Variants in HMCN2 observed in about 807,000 individuals in gnomAD.
HMCN2 encodes hemicentin-2.
Under a neutral mutation model 377.5 loss-of-function variants are expected in HMCN2, and 325 were observed. The observed-to-expected ratio is 0.86, with a 90% CI of 0.79 to 0.94. The LOEUF is 0.94. Ranked by LOEUF, HMCN2 falls within the 40% of genes least tolerant of loss-of-function variation. The pLI is 0.00. For missense variants in HMCN2, 4,543 were observed against 4,725.3 expected (o/e 0.96, Z 1.13); for synonymous variants, 2,007 against 2,046.8 (o/e 0.98, Z 0.53).
At chr9:130,314,212 C>T (rs1157196373) in intron 15 of HMCN2, among the ~76,000 whole-genome samples, 6 of 152,150 alleles carry the variant, frequency 3.9e-5, no homozygotes, top group African/African-American at 9.7e-5. Flanking sequence ...AAAGACTCTC[C>T]GGCCATCCTT....
chr9:130,421,564 C>T (rs1339733187), intron 86 of HMCN2, among the ~76,000 whole-genome samples: 2 of 152,144 alleles, frequency 1.3e-5, no homozygotes, highest in African/African-American at 2.4e-5. Flanking sequence ...CATTTCCTGT[C>T]CCCTTCCAAA....
rs564881699 is a variant in HMCN2, at chr9:130,394,558, C to T, written c.10675C>T (p.Arg3559Trp). 176 of 1,287,972 alleles carry T rather than the reference C, an allele frequency of 1.4e-4. 1 individual carries two copies. The African/African-American group carries it at 2.4e-3, about 18-fold the overall frequency. 79.8% of individuals were successfully genotyped at this position (1,287,972 alleles called of 1,614,324 possible). Residue 3559 changes from arginine (R) to tryptophan (W), a missense_variant, in exon 69 of 98, where the codon CGG becomes TGG. Transcript: ENST00000683500. The surrounding 1 kb of genome is among the most constrained non-coding windows in gnomAD (Gnocchi z 5.1). ...CAACAGCAGAGCCACACGGGTGCTC[C>T]GGGTGGAGAATGTGCAGGTACCAGT... is the stretch of plus-strand genomic sequence containing the variant. Reference protein sequence around the residue: ...ENNSRATRVLRVENVQVRDAG... With the variant: ...ENNSRATRVLWVENVQVRDAG...
At position 130,284,616 on chromosome 9, in the gene HMCN2, G is replaced by C. The variant is rs1227530002; in HGVS notation, c.273G>C (p.Val91=). The change falls in exon 2 of 98, where the codon GTG becomes GTC. Residue 91 remains valine (V), a synonymous_variant. Coordinates refer to ENST00000683500, the MANE Select transcript of HMCN2 (RefSeq NM_001291815.2). The part of the protein sequence containing the change: ...VPFHDPDIGP[V]TLTADPTVFQ... ...TCTTCTCCACAGATATTGGCCCAGT[G>C]ACCCTCACGGCGGACCCCACAGTGT... The C allele has an allele frequency of 1.5e-5, 7 of 471,112 alleles. No individual in the cohort carries two copies. Among genetic ancestry groups the C allele is most frequent in the Admixed American group, 1.4e-4 (6 of 42,572 alleles). The allele number at this position is 471,112 out of a possible 1,614,324, so 29.2% of individuals were successfully genotyped here.
chr9:130,385,733 G>A lies in HMCN2; in HGVS notation c.9280G>A (p.Gly3094Arg), dbSNP rs1373272339. ...ACAGCGGACCCAGGCTCTGCGGGGT[G>A]GGCAGAGGCTGGAGATCCAGGAAGC... ...LAQRTQALRG[G>R]QRLEIQEAQV... The change falls in exon 60 of 98, where the codon GGG becomes AGG. Residue 3094 changes from glycine to arginine, a missense_variant. Physicochemically the swap from Gly to Arg is moderately radical, Grantham distance 125. Around this residue, in one of 5 missense-constraint regions of HMCN2, gnomAD observed 736 missense variants for 773.2 expected, o/e 0.95. Transcript: ENST00000683500. The A allele has an allele frequency of 1.9e-5, 25 of 1,303,982 alleles. No individual in the cohort carries two copies. In the Admixed American group the frequency reaches 3.9e-4, roughly 20 times the overall value. The allele number at this position is 1,303,982 out of a possible 1,614,324, so 80.8% of individuals were successfully genotyped here.
In HMCN2 at chr9:130,393,197, T is replaced by C; in HGVS notation, c.10137-15T>C. 1.0e-6 allele frequency: 1 copy of C among 987,794 alleles called. No homozygotes were observed. Among genetic ancestry groups the C allele is most frequent in the Non-Finnish European group, 1.2e-6 (1 of 830,042 alleles). The allele number at this position is 987,794 out of a possible 1,614,324, so 61.2% of individuals were successfully genotyped here. On this transcript the variant is annotated splice_polypyrimidine_tract_variant and intron_variant, in intron 66 of 97. Coordinates refer to ENST00000683500, the MANE Select transcript of HMCN2 (RefSeq NM_001291815.2). This position sits in a 1 kb window ranked among gnomAD's most constrained non-coding sequence, Gnocchi z 5.2. ...TTCTCTTGTCTCCTTCTCCCTCTCC[T>C]CTCGGGGGATTCAGGATTTCCAAGG...
chr9:130,384,401 G>A lies in HMCN2; in HGVS notation c.8859G>A (p.Leu2953=), dbSNP rs1841902857. The change falls in exon 58 of 98, where the codon TTG becomes TTA. Residue 2953 remains leucine, a synonymous_variant. Coordinates refer to ENST00000683500, the MANE Select transcript of HMCN2 (RefSeq NM_001291815.2). ...CGCCACGAATCGCAGGCCTGGACTTGGAGCAGGTCACTGCCATCCTCAACA... is the reference window on the plus strand; with the variant it reads ...CGCCACGAATCGCAGGCCTGGACTTAGAGCAGGTCACTGCCATCCTCAACA... The part of the protein sequence containing the change: ...QVPPRIAGLD[L]EQVTAILNSS... 7.7e-7 allele frequency: 1 copy of A among 1,302,592 alleles called. No individual in the cohort carries two copies. The highest frequency in any genetic ancestry group is 1.5e-5 in the African/African-American group (1 of 65,818). The allele number at this position is 1,302,592 out of a possible 1,614,324, so 80.7% of individuals were successfully genotyped here.
At position 130,393,848 on chromosome 9, in the gene HMCN2, G is replaced by A. The variant is rs1013486527; in HGVS notation, c.10341G>A (p.Val3447=). The A allele has an allele frequency of 7.8e-7, 1 of 1,289,652 alleles. No homozygotes were observed. Among genetic ancestry groups the A allele is most frequent in the African/African-American group, 1.5e-5 (1 of 65,970 alleles). The allele number at this position is 1,289,652 out of a possible 1,614,324, so 79.9% of individuals were successfully genotyped here. ...CEARGVPLPL[V]SWMKDGEPLL... is the part of the protein sequence containing the mutation. ...CCCGGGGCGTTCCCCTGCCTCTCGTGTCGTGGATGAAGGATGGGGAACCCT... is the reference window on the plus strand; with the variant it reads ...CCCGGGGCGTTCCCCTGCCTCTCGTATCGTGGATGAAGGATGGGGAACCCT... The change falls in exon 68 of 98, where the codon GTG becomes GTA. Residue 3447 remains valine (V), a synonymous_variant. Coordinates refer to ENST00000683500, the MANE Select transcript of HMCN2 (RefSeq NM_001291815.2). The surrounding 1 kb of genome is among the most constrained non-coding windows in gnomAD (Gnocchi z 5.2).
chr9:130,299,903 T>G (rs1564761880), intron 8 of HMCN2, among the ~76,000 whole-genome samples: 3 of 147,296 alleles, frequency 2.0e-5, no homozygotes, highest in Non-Finnish European at 3.0e-5. Context: ...ACCCACCCAT[T>G]CATGCACTCA....
rs746823387 is a variant in HMCN2, at chr9:130,427,504, C to T, written c.13950C>T (p.Asp4650=). Residue 4650 remains aspartate (D), a synonymous_variant, in exon 92 of 98, where the codon GAC becomes GAT. Transcript: ENST00000683500. ...DSQGAFCVDR[D]ECSGGPSPCS... is the part of the protein sequence containing the mutation. Reference sequence around the variant, plus strand: ...GACCCCTTCCTGCCCCAGACAGGGACGAGTGCTCAGGAGGCCCTAGCCCCT... The same window carrying T: ...GACCCCTTCCTGCCCCAGACAGGGATGAGTGCTCAGGAGGCCCTAGCCCCT... 130 of 1,550,400 alleles carry T rather than the reference C, an allele frequency of 8.4e-5. No homozygotes were observed. Among genetic ancestry groups the T allele is most frequent in the Middle Eastern group, 1.7e-4 (1 of 5,986 alleles).
chr9:130,430,185 G>C lies in HMCN2; in HGVS notation c.14327-99G>C, dbSNP rs1250637104. On this transcript the variant is annotated intron_variant, in intron 94 of 97. Coordinates refer to ENST00000683500, the MANE Select transcript of HMCN2 (RefSeq NM_001291815.2). ...GCAGCATGGGAGTGGCTGGATTCTA[G>C]GGAATGCCAACAAGAGAGAAGGCAG... is the stretch of plus-strand genomic sequence containing the variant. 7 of 1,019,760 alleles carry C rather than the reference G, an allele frequency of 6.9e-6. No homozygotes were observed. The East Asian group carries it at 1.8e-4, about 27-fold the overall frequency. The allele number at this position is 1,019,760 out of a possible 1,614,324, so 63.2% of individuals were successfully genotyped here.
intron 8 of HMCN2, 21 bp downstream of exon 8, chr9:130,299,309 T>C: frequency 2.3e-6 from 1 of 437,268 alleles, no homozygotes; most frequent in Non-Finnish European, 4.8e-6. Context: ...GGCTCTTTTG[T>C]CTCCCAGGCC....
intron 15 of HMCN2, among the ~76,000 whole-genome samples, chr9:130,313,795 TTTGAGA>T (rs1466343691): frequency 3.4e-5 from 5 of 148,868 alleles, no homozygotes; most frequent in Non-Finnish European, 7.4e-5. Flanking sequence ...TTTTTTTTTT[TTTGAGA>T]TGGAGTCCTA....
In HMCN2 at chr9:130,308,322, C is replaced by T. The variant is rs553387167; in HGVS notation, c.2200+756C>T. ...GTGCTTGGCATTCTTAGTGATAGTG[C>T]CGACGATAATGTGATTATCTGAAAA... On this transcript the variant is annotated intron_variant, in intron 14 of 97. Coordinates refer to ENST00000683500, the MANE Select transcript of HMCN2 (RefSeq NM_001291815.2). This position sits in a 1 kb window ranked among gnomAD's most constrained non-coding sequence, Gnocchi z 4.1. Among the ~76,000 whole-genome samples, 24 of 152,276 alleles carry T rather than the reference C, an allele frequency of 1.6e-4. No homozygotes were observed. The South Asian group carries it at 5.0e-3, about 32-fold the overall frequency.
At position 130,392,031 on chromosome 9, in the gene HMCN2, C is replaced by T. The variant is rs564948888; in HGVS notation, c.10049C>T (p.Pro3350Leu). 60 of 988,260 alleles carry T rather than the reference C, an allele frequency of 6.1e-5. No individual in the cohort carries two copies. The highest frequency in any genetic ancestry group is 7.2e-5 in the Non-Finnish European group (60 of 830,394). The allele number at this position is 988,260 out of a possible 1,614,324, so 61.2% of individuals were successfully genotyped here. Residue 3350 changes from proline to leucine, a missense_variant, in exon 66 of 98, where the codon CCG becomes CTG. Pro to Leu is a moderately conservative substitution (Grantham distance 98). This residue lies in a region of HMCN2 where 1,073 missense variants were observed against 1,319.5 expected (regional missense o/e 0.81). Coordinates refer to ENST00000683500, the MANE Select transcript of HMCN2 (RefSeq NM_001291815.2). ...VTMVCPVRGS[P>L]PIHVSWLKDG... is the part of the protein sequence containing the mutation. Reference sequence around the variant, plus strand: ...ATGGTGTGCCCTGTGCGGGGCTCCCCGCCCATCCACGTGAGCTGGCTCAAG... The same window carrying T: ...ATGGTGTGCCCTGTGCGGGGCTCCCTGCCCATCCACGTGAGCTGGCTCAAG...
rs925517909 is a variant in HMCN2 at position 130,368,437 on chromosome 9, G to A, written c.6787G>A (p.Val2263Ile). The change falls in exon 44 of 98, where the codon GTT (valine) becomes ATT (isoleucine). Residue 2263 changes from valine (V) to isoleucine (I), a missense_variant and splice_region_variant. Transcript: ENST00000683500. ...SSQDLQLEVH[V>I]PPQIAGPREP... ...CCAGGACCTGCAGCTGGAGGTGCAC[G>A]GTGGGTGAGCTGGGCGGGGGCTGGA... is the stretch of plus-strand genomic sequence containing the variant. 1.1e-5 allele frequency: 11 copies of A among 986,092 alleles called. No homozygotes were observed. Among genetic ancestry groups the A allele is most frequent in the Middle Eastern group, 5.1e-4 (1 of 1,948 alleles). 61.1% of individuals were successfully genotyped at this position (986,092 alleles called of 1,614,324 possible).
At position 130,423,167 on chromosome 9, in the gene HMCN2, G is replaced by A. The variant is rs528124201; in HGVS notation, c.13381+441G>A. On this transcript the variant is annotated intron_variant, in intron 87 of 97. Coordinates refer to ENST00000683500, the MANE Select transcript of HMCN2 (RefSeq NM_001291815.2). The surrounding 1 kb of genome is among the most constrained non-coding windows in gnomAD (Gnocchi z 5.5). ...AGCGGGAAACATGGAGAATTGAATT[G>A]CCTAGAAAACCTAGAGGACTAAGAA... Among the ~76,000 whole-genome samples, 55 of 152,298 alleles carry A rather than the reference G, an allele frequency of 3.6e-4. No individual in the cohort carries two copies. The highest frequency in any genetic ancestry group is 1.3e-3 in the African/African-American group (54 of 41,552).
At chr9:130,415,165 C>G (rs1436186394) in intron 85 of HMCN2, among the ~76,000 whole-genome samples, 1 of 152,160 alleles carries the variant, frequency 6.6e-6, no homozygotes, top group African/African-American at 2.4e-5. Context: ...GCACCTCCTT[C>G]CCCTGGCAGT....
chr9:130,426,376 A>G (rs1280928543), intron 90 of HMCN2, among the ~76,000 whole-genome samples: 1 of 152,268 alleles, frequency 6.6e-6, no homozygotes, highest in African/African-American at 2.4e-5. Flanking sequence ...TTGAGGTCCC[A>G]AAGTGTTTTG....
At chr9:130,268,336 T>A (rs1230332540) in intron 1 of HMCN2, among the ~76,000 whole-genome samples, 1 of 152,212 alleles carries the variant, frequency 6.6e-6, no homozygotes, top group Admixed American at 6.5e-5. Flanking sequence ...AATCCAGTTC[T>A]CCATCCTGGT....
Sources: allele counts gnomAD v4.1 joint callset (sites outside exome capture counted in the v4.1 genomes callset), GRCh38; gene constraint gnomAD v4.1.1; regional missense constraint gnomAD v4.1.1; non-coding constraint Gnocchi (gnomAD v3.1); transcripts MANE v1.5; gene names NCBI Gene and HGNC (gene_info 2026-07-23, HGNC 2026-07-21).